Variants in USP9Y observed in about 807,000 individuals in gnomAD.
USP9Y encodes the protein ubiquitin specific peptidase 9 Y-linked.
USP9Y carries 41 observed loss-of-function variants against 53.1 expected under a neutral mutation model. The ratio of observed to expected loss-of-function variants is 0.77; its 90% CI spans 0.60 to 1.00. The LOEUF (loss-of-function observed/expected upper bound fraction) is 1.00. Ranked by LOEUF, USP9Y falls within the 50% of genes least tolerant of loss-of-function variation. The pLI is 0.00. For synonymous variants in USP9Y, 220 were observed against 173.7 expected, an observed-to-expected ratio of 1.27 and a Z score of -2.09; for missense variants, 567 against 535.8, an observed-to-expected ratio of 1.06 and a Z score of -0.58.
chrY:12,801,521 G>A (rs1569390421), intron 27 of USP9Y, among the ~76,000 whole-genome samples: 2 of 33,723 alleles, frequency 5.9e-5, no homozygotes, highest in South Asian at 1.3e-3. Flanking sequence ...CTCAGTTTCT[G>A]TGTATCTATT....
rs2053578010 is a variant in USP9Y, at chrY:12,856,821, A to G, written c.7410A>G (p.Lys2470=). ...ATAGTGCTAGGATGACACTTGCAAA[A>G]GCTTGTGAACTCTGTCCAGAAGAGG... ...RSHSARMTLA[K]ACELCPEEEP... Residue 2470 remains lysine, a synonymous_variant, in exon 44 of 46, where the codon AAA becomes AAG. Coordinates refer to ENST00000338981, the MANE Select transcript of USP9Y (RefSeq NM_004654.4). 1 of 392,384 alleles carries G rather than the reference A, an allele frequency of 2.5e-6. No individual in the cohort carries two copies. Among genetic ancestry groups the G allele is most frequent in the Non-Finnish European group, 3.6e-6 (1 of 280,964 alleles).
chrY:12,833,680 C>T lies in USP9Y; in HGVS notation c.5022-8C>T. On this transcript the variant is annotated splice_region_variant and splice_polypyrimidine_tract_variant and intron_variant, in intron 33 of 45. Coordinates refer to ENST00000338981, the MANE Select transcript of USP9Y (RefSeq NM_004654.4). Reference sequence around the variant, plus strand: ...TACATAACTCATTTTGTTTCCTTTCCTTCTTAGGCTTTGGGGTGAACCTGT... The same window carrying T: ...TACATAACTCATTTTGTTTCCTTTCTTTCTTAGGCTTTGGGGTGAACCTGT... The T allele has an allele frequency of 1.5e-5, 6 of 395,001 alleles. No individual in the cohort carries two copies. Among genetic ancestry groups the T allele is most frequent in the Non-Finnish European group, 2.1e-5 (6 of 281,882 alleles).
At chrY:12,816,088 T>C (rs778555610) in intron 31 of USP9Y, 36 bp from the exon 32 acceptor site, 2 of 379,828 alleles carry the variant, frequency 5.3e-6, no homozygotes, top group Admixed American at 1.5e-4. Context: ...AATCACTGTT[T>C]TCATAGTATA....
chrY:12,778,727 T>C lies in USP9Y; in HGVS notation c.3002T>C (p.Leu1001Pro). The stretch of plus-strand genomic sequence containing the variant: ...AATCATTACAATGATGGTCCCAATC[T>C]AGAGGTGGAAAGTTGTTTGCCTGGG... ...HRNHYNDGPN[L>P]EVESCLPGVI... is the part of the protein sequence containing the mutation. Residue 1001 changes from leucine to proline, a missense_variant, in exon 21 of 46, where the codon CTA becomes CCA. Physicochemically the swap from Leu to Pro is moderately conservative, Grantham distance 98 (BLOSUM62 -3). Coordinates refer to ENST00000338981, the MANE Select transcript of USP9Y (RefSeq NM_004654.4). The C allele has an allele frequency of 7.5e-6, 3 of 397,775 alleles. No homozygotes were observed. Among genetic ancestry groups the C allele is most frequent in the Non-Finnish European group, 1.1e-5 (3 of 282,759 alleles).
At chrY:12,830,633 A>G in intron 33 of USP9Y, among the ~76,000 whole-genome samples, 1 of 33,545 alleles carries the variant, frequency 3.0e-5, no homozygotes, top group Admixed American at 2.7e-4. Flanking sequence ...CTGAGCAAGC[A>G]TATTTGTAAT....
intron 42 of USP9Y, among the ~76,000 whole-genome samples, chrY:12,855,336 C>G: frequency 3.0e-5 from 1 of 32,930 alleles, no homozygotes; most frequent in Non-Finnish European, 7.5e-5. Context: ...CTCAGCCTCC[C>G]AAGTAGCTGG....
chrY:12,796,111 C>G (rs2053512508), intron 27 of USP9Y, among the ~76,000 whole-genome samples: 1 of 33,474 alleles, frequency 3.0e-5, no homozygotes, highest in East Asian at 7.7e-4. Flanking sequence ...TTTTTTGACT[C>G]AATTGAGATA....
At position 12,720,581 on chromosome Y, in the gene USP9Y, T is replaced by C; in HGVS notation, c.97-8T>C. 2 of 389,347 alleles carry C rather than the reference T, an allele frequency of 5.1e-6. No homozygotes were observed. Among genetic ancestry groups the C allele is most frequent in the East Asian group, 1.9e-4 (2 of 10,491 alleles). ...GTTTAAATTTGGAATATTTAATTTTTAATTAAGACTTCATCACCTGATTCT... is the reference window on the plus strand; with the variant it reads ...GTTTAAATTTGGAATATTTAATTTTCAATTAAGACTTCATCACCTGATTCT... On this transcript the variant is annotated splice_region_variant and splice_polypyrimidine_tract_variant and intron_variant, in intron 3 of 45. Coordinates refer to ENST00000338981, the MANE Select transcript of USP9Y (RefSeq NM_004654.4).
chrY:12,764,119 G>A (rs977241742), intron 15 of USP9Y, among the ~76,000 whole-genome samples: 1 of 33,356 alleles, frequency 3.0e-5, no homozygotes, highest in Admixed American at 2.8e-4. Context: ...GGAAAGTACA[G>A]GATGAACTTT....
intron 38 of USP9Y, 43 bp downstream of exon 38, chrY:12,842,508 T>G: frequency 3.2e-6 from 1 of 309,386 alleles, no homozygotes; most frequent in Non-Finnish European, 4.8e-6. Flanking sequence ...ATTAAATACT[T>G]AGAAGTAAAT....
At chrY:12,710,050 G>A (rs1045516130) in intron 3 of USP9Y, among the ~76,000 whole-genome samples, 2 of 33,061 alleles carry the variant, frequency 6.0e-5, no homozygotes, top group African/African-American at 1.2e-4. Flanking sequence ...CTGTATCTAA[G>A]GTCCCATGTG....
rs1253713783 is a variant in USP9Y, at chrY:12,837,951, A to G, written c.5236A>G (p.Ile1746Val). ...ATCTTTTACAACTTTGAATGTGGAT[A>G]TTAGAAATCATCAAAATCTTCTTGA... ...EESFTTLNVDIRNHQNLLDSL... is the reference protein window; with the variant it reads ...EESFTTLNVDVRNHQNLLDSL... Residue 1746 changes from isoleucine (I) to valine (V), a missense_variant, in exon 35 of 46, where the codon ATT becomes GTT. By Grantham distance (29) the Ile-to-Val change is conservative. Transcript: ENST00000338981. 4 of 352,939 alleles carry G rather than the reference A, an allele frequency of 1.1e-5. No individual in the cohort carries two copies. In the South Asian group the frequency reaches 1.3e-4, roughly 11 times the overall value. The allele number at this position is 352,939 out of a possible 400,897, so 88.0% of individuals were successfully genotyped here. A position where few individuals can be genotyped will look rare whatever the true frequency, so the allele number is the denominator to read the frequency against.
intron 31 of USP9Y, among the ~76,000 whole-genome samples, chrY:12,814,025 A>C: frequency 3.0e-5 from 1 of 33,317 alleles, no homozygotes; most frequent in Admixed American, 2.7e-4. Context: ...CATGTTGGCC[A>C]GGCTGGTCTA....
In USP9Y at chrY:12,811,800, C is replaced by CT. The variant is rs2053531167; in HGVS notation, c.4386+26dup. 1 of 366,762 alleles carries CT rather than the reference C, an allele frequency of 2.7e-6. No individual in the cohort carries two copies. Among genetic ancestry groups the CT allele is most frequent in the Non-Finnish European group, 3.8e-6 (1 of 261,578 alleles). 91.5% of individuals were successfully genotyped at this position (366,762 alleles called of 400,897 possible). ...CATTAAAGTAAGTACTTTTTTTTTT[C>CT]TTTTTTTGAGATGGAGTCTTGCTCT... On this transcript the variant is annotated intron_variant, in intron 30 of 45. Transcript: ENST00000338981.
chrY:12,854,652 T>G, intron 42 of USP9Y, among the ~76,000 whole-genome samples: 1 of 32,986 alleles, frequency 3.0e-5, no homozygotes, highest in Non-Finnish European at 7.5e-5. Flanking sequence ...TCCACCTGCC[T>G]GGGCATCCCA....
intron 12 of USP9Y, among the ~76,000 whole-genome samples, chrY:12,748,127 C>T: frequency 9.5e-5 from 3 of 31,677 alleles, no homozygotes; most frequent in Non-Finnish European, 2.3e-4. Flanking sequence ...CCAGTCTGGG[C>T]GACAGAGCCA....
In USP9Y at chrY:12,738,798, C is replaced by A. The variant is rs764300444; in HGVS notation, c.1317+489C>A. On this transcript the variant is annotated intron_variant, in intron 11 of 45. Transcript: ENST00000338981. ...CTCGTGATCCATCCTCCTTAGCCCC[C>A]CAAAGTGCTGGGATTGCAGGTGTGA... Among the ~76,000 whole-genome samples the A allele has an allele frequency of 1.8e-4, 6 of 33,450 alleles. No homozygotes were observed. In the East Asian group the frequency reaches 4.7e-3, roughly 26 times the overall value. 89.7% of individuals were successfully genotyped at this position (33,450 alleles called of 37,273 possible). A position where few individuals can be genotyped will look rare whatever the true frequency, so the allele number is the denominator to read the frequency against.
chrY:12,730,069 T>C, intron 7 of USP9Y, among the ~76,000 whole-genome samples: 1 of 31,986 alleles, frequency 3.1e-5, no homozygotes, highest in Non-Finnish European at 7.6e-5. Flanking sequence ...GTTCTCCTGC[T>C]GTGTAGCTGG....
At chrY:12,843,237 A>G in intron 39 of USP9Y, 44 bp downstream of exon 39, 5 of 303,936 alleles carry the variant, frequency 1.6e-5, no homozygotes, top group South Asian at 3.4e-5. Flanking sequence ...TTCAATTTCA[A>G]ATATTAAATG....
Sources: allele counts gnomAD v4.1 joint callset (sites outside exome capture counted in the v4.1 genomes callset), GRCh38; gene constraint gnomAD v4.1.1; transcripts MANE v1.5; gene names NCBI Gene and HGNC (gene_info 2026-07-23, HGNC 2026-07-21).